The following VPS41 variants were observed in gnomAD, a reference collection of about 807,000 sequenced individuals.
The protein encoded by VPS41 is VPS41 subunit of HOPS complex, also known as vacuolar protein sorting-associated protein 41 homolog.
Under a neutral mutation model 130.9 loss-of-function variants are expected in VPS41, and 85 were observed. The observed-to-expected ratio is 0.65, with a 90% confidence interval of 0.55 to 0.78. VPS41 has a LOEUF of 0.78. Ranked by LOEUF, VPS41 falls within the 30% of genes least tolerant of loss-of-function variation. The pLI, the probability that VPS41 is intolerant of heterozygous loss-of-function variation, is 0.00. For missense variants in VPS41, 874 were observed against 1,018.7 expected, an observed-to-expected ratio of 0.86 and a Z score of 1.93; for synonymous variants, 335 against 332.9, an observed-to-expected ratio of 1.01 and a Z score of -0.07.
chr7:38,848,939 C>T (rs1376141389), intron 4 of VPS41, among the ~76,000 whole-genome samples: 8 of 152,066 alleles, frequency 5.3e-5, no homozygotes, highest in Non-Finnish European at 1.0e-4. Flanking sequence ...AATGGGAAAT[C>T]AGTAGGTTCA....
chr7:38,732,780 C>T (rs1325313847), intron 25 of VPS41, among the ~76,000 whole-genome samples: 1 of 152,170 alleles, frequency 6.6e-6, no homozygotes, highest in East Asian at 1.9e-4. Flanking sequence ...ATTCAATTAT[C>T]TGGAAAAGTA....
chr7:38,756,213 TACACACACACACACACAC>T (rs3839727), intron 19 of VPS41, among the ~76,000 whole-genome samples: 1 of 146,556 alleles, frequency 6.8e-6, no homozygotes, highest in Non-Finnish European at 1.5e-5. Flanking sequence ...AGATTTCTTT[TACACACACACACACACAC>T]ACACACACAC....
intron 4 of VPS41, among the ~76,000 whole-genome samples, chr7:38,853,194 C>T (rs192133647): frequency 2.5e-4 from 38 of 152,116 alleles, no homozygotes; most frequent in Non-Finnish European, 4.3e-4. Flanking sequence ...CCGAGGTGGG[C>T]GGATCACAAG....
chr7:38,799,439 T>G (rs948097213), intron 7 of VPS41, among the ~76,000 whole-genome samples: 2 of 151,848 alleles, frequency 1.3e-5, no homozygotes, highest in Non-Finnish European at 2.9e-5. Flanking sequence ...AACCTAAACT[T>G]TATGGGATAC....
At chr7:38,798,945 GAA>G (rs1228526472) in intron 7 of VPS41, among the ~76,000 whole-genome samples, 2 of 152,092 alleles carry the variant, frequency 1.3e-5, no homozygotes, top group African/African-American at 4.8e-5. Context: ...CATTCCCCCA[GAA>G]AAAGCCTGCC....
At chr7:38,890,104 T>C (rs1786828715) in intron 2 of VPS41, among the ~76,000 whole-genome samples, 1 of 151,956 alleles carries the variant, frequency 6.6e-6, no homozygotes, top group African/African-American at 2.4e-5. Flanking sequence ...TCCTAAAACA[T>C]GTTCAAGTAA....
intron 25 of VPS41, among the ~76,000 whole-genome samples, chr7:38,731,154 C>G (rs1019481769): frequency 1.3e-5 from 2 of 152,138 alleles, no homozygotes; most frequent in Admixed American, 6.5e-5. Flanking sequence ...TTTATATGAT[C>G]CCAGGCAGGT....
At position 38,724,155 on chromosome 7, in the gene VPS41, T is replaced by C. The variant is rs1185026255; in HGVS notation, c.*2091A>G. On this transcript the variant is annotated 3_prime_UTR_variant, in exon 29 of 29. Coordinates refer to ENST00000310301, the MANE Select transcript of VPS41 (RefSeq NM_014396.4). ...TAATTATTTTCTCCTTTTCTATAAG[T>C]AGGATTTTCTTTATGTCCAAATAGG... 6.6e-6 allele frequency: 1 copy of C among 152,232 alleles called. No individual in the cohort carries two copies. The highest frequency in any genetic ancestry group is 6.5e-5 in the Admixed American group (1 of 15,286). The allele number at this position is 152,232 out of a possible 1,614,324, so 9.4% of individuals were successfully genotyped here. A position where few individuals can be genotyped will look rare whatever the true frequency, so the allele number is the denominator to read the frequency against.
At chr7:38,804,318 T>C (rs113347199) in intron 7 of VPS41, among the ~76,000 whole-genome samples, 9,044 of 152,228 alleles carry the variant, frequency 0.059, 413 homozygotes, top group African/African-American at 0.12. Context: ...TTTTTTCTGA[T>C]CCTCTCCCTT....
At chr7:38,761,007 T>C (rs1783899879) in intron 17 of VPS41, among the ~76,000 whole-genome samples, 2 of 152,146 alleles carry the variant, frequency 1.3e-5, no homozygotes, top group Non-Finnish European at 2.9e-5. Flanking sequence ...CCACATATTT[T>C]CCATTTAGAT....
intron 22 of VPS41, chr7:38,746,045 T>C (rs1795978857): frequency 6.3e-6 from 1 of 158,990 alleles, no homozygotes; most frequent in Non-Finnish European, 1.4e-5. Context: ...GTATTGTGCA[T>C]ACCATAAGCT....
intron 4 of VPS41, chr7:38,831,077 A>G (rs1044735212): frequency 1.8e-5 from 7 of 386,314 alleles, no homozygotes; most frequent in African/African-American, 1.5e-4. Context: ...TAAATGTTCA[A>G]CTTCTATAGT....
intron 17 of VPS41, among the ~76,000 whole-genome samples, chr7:38,758,848 A>T (rs1192044605): frequency 6.6e-6 from 1 of 152,186 alleles, no homozygotes; most frequent in African/African-American, 2.4e-5. Flanking sequence ...GCTTTCATTA[A>T]AACCCAAAAG....
chr7:38,767,164 C>G (rs753175974), intron 15 of VPS41, among the ~76,000 whole-genome samples: 1 of 152,066 alleles, frequency 6.6e-6, no homozygotes, highest in Non-Finnish European at 1.5e-5. Flanking sequence ...CTCACAGAGT[C>G]CTTTAGCTCT....
chr7:38,842,427 T>C (rs540937461), intron 4 of VPS41, among the ~76,000 whole-genome samples: 1 of 152,332 alleles, frequency 6.6e-6, no homozygotes, highest in Non-Finnish European at 1.5e-5. Context: ...AATTCCTTAA[T>C]ATGGCTTTTA....
At chr7:38,761,263 CTTTTTTTTTTTTTTTTTT>C (rs66692164) in intron 17 of VPS41, among the ~76,000 whole-genome samples, 9 of 57,030 alleles carry the variant, frequency 1.6e-4, no homozygotes, top group East Asian at 1.3e-3. Flanking sequence ...CTCTTCCTCT[CTTTTTTTTTTTTTTTTTT>C]TTTTTTTTTT....
At chr7:38,796,720 A>G (rs978557497) in intron 8 of VPS41, 25 bp downstream of exon 8, 10 of 1,613,112 alleles carry the variant, frequency 6.2e-6, no homozygotes, top group Admixed American at 1.7e-5. Context: ...AACAAGCATT[A>G]GGAAGACAGA....
chr7:38,854,478 C>T (rs1267707359), intron 4 of VPS41, among the ~76,000 whole-genome samples: 4 of 152,074 alleles, frequency 2.6e-5, no homozygotes, highest in Non-Finnish European at 5.9e-5. Flanking sequence ...TATGAATAAG[C>T]CCAAAAGAGT....
At chr7:38,755,774 A>G (rs574174249) in intron 19 of VPS41, among the ~76,000 whole-genome samples, 1 of 152,296 alleles carries the variant, frequency 6.6e-6, no homozygotes, top group South Asian at 2.1e-4. Context: ...AACATATGCA[A>G]AACGAGCTCT....
Sources: allele counts gnomAD v4.1 joint callset (sites outside exome capture counted in the v4.1 genomes callset), GRCh38; gene constraint gnomAD v4.1.1; transcripts MANE v1.5; gene names NCBI Gene and HGNC (gene_info 2026-07-23, HGNC 2026-07-21).